BICDL1: variants seen among roughly 807,000 people sequenced by gnomAD.
BICDL1 encodes the protein BICD family-like cargo adapter 1.
In BICDL1, 20 loss-of-function variants were observed where a neutral mutation model predicts 76.8. That is an observed-to-expected ratio of 0.26 (90% CI 0.18 to 0.38). The LOEUF is 0.38. Among genes scored for constraint, BICDL1 ranks in the 10% least tolerant of loss-of-function variants. BICDL1 has a pLI of 1.00. For synonymous variants in BICDL1, 383 were observed against 337.1 expected, an observed-to-expected ratio of 1.14 and a Z score of -1.49; for missense variants, 700 against 798.6, an observed-to-expected ratio of 0.88 and a Z score of 1.49.
At chr12:120,004,177 T>C (rs1951811480) in intron 2 of BICDL1, among the ~76,000 whole-genome samples, 1 of 152,162 alleles carries the variant, frequency 6.6e-6, no homozygotes, top group Non-Finnish European at 1.5e-5. Flanking sequence ...TTTTCTTTGA[T>C]TTATTTAGGT....
intron 2 of BICDL1, among the ~76,000 whole-genome samples, chr12:120,061,335 A>G (rs1953099613): frequency 6.6e-6 from 1 of 152,234 alleles, no homozygotes. Context: ...AGGAATTTCT[A>G]AGGCAGTAGG....
At chr12:120,061,552 T>C (rs1566251972) in intron 2 of BICDL1, 158 bp from the exon 3 acceptor site, 2 of 665,724 alleles carry the variant, frequency 3.0e-6, no homozygotes, top group South Asian at 3.5e-5. Context: ...TTGTCCTGTT[T>C]TGGACTAGAG....
chr12:119,996,071 C>T (rs1951638916), intron 1 of BICDL1, among the ~76,000 whole-genome samples: 2 of 151,980 alleles, frequency 1.3e-5, no homozygotes, highest in South Asian at 4.2e-4. Context: ...GATGAGAAGG[C>T]CCTCCCTTGT....
chr12:119,995,909 C>T (rs1951634352), intron 1 of BICDL1, among the ~76,000 whole-genome samples: 1 of 151,838 alleles, frequency 6.6e-6, no homozygotes, highest in African/African-American at 2.4e-5. Flanking sequence ...TGGCGTAAAC[C>T]CGGGAGGCGG....
intron 2 of BICDL1, among the ~76,000 whole-genome samples, chr12:120,045,307 T>G (rs960122750): frequency 8.7e-4 from 132 of 152,188 alleles, no homozygotes; most frequent in African/African-American, 3.1e-3. Flanking sequence ...AGGAACACTT[T>G]TACACTGTTG....
chr12:120,023,830 A>G (rs2138724188), intron 2 of BICDL1, among the ~76,000 whole-genome samples: 1 of 152,158 alleles, frequency 6.6e-6, no homozygotes, highest in South Asian at 2.1e-4. Context: ...CAGGTATGCA[A>G]AGAGGCAGGA....
intron 8 of BICDL1, among the ~76,000 whole-genome samples, chr12:120,088,396 GC>G (rs1947186492): frequency 6.6e-6 from 1 of 151,648 alleles, no homozygotes; most frequent in African/African-American, 2.4e-5. Flanking sequence ...TTGCTCTATT[GC>G]CCAGGCTGGA....
chr12:120,092,316 G>C (rs1041208056), intron 9 of BICDL1: 9 of 985,328 alleles, frequency 9.1e-6, no homozygotes, highest in Admixed American at 6.1e-5. Flanking sequence ...TCGAGTTGGG[G>C]GACGGTCCTA....
chr12:120,032,619 T>C (rs890938287), intron 2 of BICDL1, among the ~76,000 whole-genome samples: 2 of 152,168 alleles, frequency 1.3e-5, no homozygotes, highest in Non-Finnish European at 1.5e-5. Flanking sequence ...TGAAGAAAAA[T>C]TAAAAATAGA....
At chr12:120,087,533 G>T (rs1214111721) in intron 8 of BICDL1, among the ~76,000 whole-genome samples, 1 of 152,218 alleles carries the variant, frequency 6.6e-6, no homozygotes, top group African/African-American at 2.4e-5. Flanking sequence ...GCCTCTGCAG[G>T]CGGATCCTCT....
intron 2 of BICDL1, among the ~76,000 whole-genome samples, chr12:120,021,586 C>CAAAAA (rs145151630): frequency 6.9e-4 from 32 of 46,282 alleles, no homozygotes; most frequent in African/African-American, 1.1e-3. Flanking sequence ...GACTCCATCT[C>CAAAAA]AAAAAAAAAA....
chr12:119,999,421 C>T (rs1436354970), intron 2 of BICDL1, among the ~76,000 whole-genome samples: 4 of 152,184 alleles, frequency 2.6e-5, no homozygotes, highest in Admixed American at 6.5e-5. Context: ...TTAAAAGGTA[C>T]TGTCTTTAAA....
intron 2 of BICDL1, among the ~76,000 whole-genome samples, chr12:120,049,554 A>G (rs1003502779): frequency 7.2e-5 from 11 of 151,968 alleles, no homozygotes; most frequent in African/African-American, 2.4e-4. Flanking sequence ...TTTCTTTATG[A>G]TATATCTAGG....
intron 2 of BICDL1, among the ~76,000 whole-genome samples, chr12:120,056,657 C>T (rs1382562499): frequency 6.6e-6 from 1 of 151,688 alleles, no homozygotes; most frequent in Non-Finnish European, 1.5e-5. Context: ...GCAGAGGTTG[C>T]AGTTAGCCGA....
At chr12:120,090,608 G>C (rs1874870917) in intron 9 of BICDL1, 4 of 351,252 alleles carry the variant, frequency 1.1e-5, no homozygotes, top group Non-Finnish European at 2.2e-5. Context: ...ACTGGGCTGT[G>C]GCTGGCTGGG....
chr12:120,046,617 T>C lies in BICDL1; in HGVS notation c.646-15093T>C, dbSNP rs546906623. Among the ~76,000 whole-genome samples the C allele has an allele frequency of 5.3e-5, 8 of 152,336 alleles. No homozygotes were observed. In the South Asian group the frequency reaches 1.2e-3, roughly 24 times the overall value. ...AACTGATAGAGAAGAGACTATGTTA[T>C]TTTTAGACCTTGAGTTTTCCACAAG... is the stretch of plus-strand genomic sequence containing the variant. On this transcript the variant is annotated intron_variant, in intron 2 of 9. Coordinates refer to ENST00000548673, the MANE Select transcript of BICDL1 (RefSeq NM_001367886.1).
intron 8 of BICDL1, among the ~76,000 whole-genome samples, chr12:120,089,382 G>A (rs1167772498): frequency 6.6e-6 from 1 of 151,482 alleles, no homozygotes; most frequent in Non-Finnish European, 1.5e-5. Context: ...CAACGTGTGT[G>A]TGTGTGTGGT....
At chr12:120,027,796 G>A (rs951139152) in intron 2 of BICDL1, among the ~76,000 whole-genome samples, 1 of 152,210 alleles carries the variant, frequency 6.6e-6, no homozygotes, top group African/African-American at 2.4e-5. Flanking sequence ...CACAGAACTA[G>A]GTTAGCTATT....
In BICDL1 at chr12:119,998,437, A is replaced by G. The variant is rs144335646; in HGVS notation, c.430-84A>G. 4.9e-4 allele frequency: 619 copies of G among 1,266,132 alleles called. 2 individuals are homozygous for G. The African/African-American group carries it at 8.3e-3, about 17-fold the overall frequency. The allele number at this position is 1,266,132 out of a possible 1,614,324, so 78.4% of individuals were successfully genotyped here. A position where few individuals can be genotyped will look rare whatever the true frequency, so the allele number is the denominator to read the frequency against. ...TTATTGTGTCTACTGACTAGGAAAA[A>G]GAAAAGTTGGGACAGCGCGGAGAGA... On this transcript the variant is annotated intron_variant, in intron 1 of 9. Coordinates refer to ENST00000548673, the MANE Select transcript of BICDL1 (RefSeq NM_001367886.1).
Sources: allele counts gnomAD v4.1 joint callset (sites outside exome capture counted in the v4.1 genomes callset), GRCh38; gene constraint gnomAD v4.1.1; transcripts MANE v1.5; gene names NCBI Gene and HGNC (gene_info 2026-07-23, HGNC 2026-07-21).